DYNAP: variants seen among roughly 807,000 people sequenced by gnomAD.
The protein encoded by DYNAP is dynactin associated protein, also known as dynactin-associated protein.
A neutral mutation model predicts 8.5 loss-of-function variants in DYNAP; 7 were observed. That is an observed-to-expected ratio of 0.82 (90% CI 0.47 to 1.54). The LOEUF (loss-of-function observed/expected upper bound fraction) is 1.54. Ranked by LOEUF, DYNAP falls within the 40% of genes most tolerant of loss-of-function variation. DYNAP has a pLI of 0.01. For synonymous variants in DYNAP, 77 were observed against 77.9 expected (o/e 0.99, Z 0.06); for missense variants, 256 against 224.3 (o/e 1.14, Z -0.90).
chr18:54,593,302 T>C (rs1911155910), intron 1 of DYNAP, among the ~76,000 whole-genome samples: 1 of 152,244 alleles, frequency 6.6e-6, no homozygotes, highest in South Asian at 2.1e-4. Context: ...GGTTGGCCAG[T>C]AATTTCTATA....
At chr18:54,597,252 G>A (rs900558746) in intron 2 of DYNAP, among the ~76,000 whole-genome samples, 1 of 152,088 alleles carries the variant, frequency 6.6e-6, no homozygotes, top group African/African-American at 2.4e-5. Context: ...AGAGAGGAAA[G>A]AATAAGAGGA....
chr18:54,591,530 T>G (rs1247638480), intron 1 of DYNAP, among the ~76,000 whole-genome samples, 191 bp downstream of exon 1: 1 of 152,124 alleles, frequency 6.6e-6, no homozygotes, highest in Admixed American at 6.6e-5. Flanking sequence ...TGTTATATAT[T>G]TAGGTATTAA....
chr18:54,587,990 C>T, upstream of DYNAP: 1 of 393,464 alleles, frequency 2.5e-6, no homozygotes, highest in Non-Finnish European at 4.5e-6. Context: ...TCTCTAATTC[C>T]AACATACAAA....
In DYNAP at chr18:54,598,191, C is replaced by G; in HGVS notation, c.*46C>G. On this transcript the variant is annotated 3_prime_UTR_variant, in exon 3 of 3. Transcript: ENST00000648945. ...ACTTCAACTGAAACTTCAACCTCTA[C>G]CACTTCAACTCAGTTTGCAACTATA... is the stretch of plus-strand genomic sequence containing the variant. 6.4e-7 allele frequency: 1 copy of G among 1,554,674 alleles called. No homozygotes were observed. The highest frequency in any genetic ancestry group is 8.7e-7 in the Non-Finnish European group (1 of 1,145,748).
At chr18:54,586,057 T>A (rs1404711362), upstream of DYNAP, among the ~76,000 whole-genome samples, 1 of 152,174 alleles carries the variant, frequency 6.6e-6, no homozygotes, top group Non-Finnish European at 1.5e-5. Flanking sequence ...CTAGTTATGG[T>A]TCTGGACCTT....
chr18:54,580,189 ACAGT>A, the DYNAP span, among the ~76,000 whole-genome samples: 5 of 152,228 alleles, frequency 3.3e-5, no homozygotes, highest in Admixed American at 3.3e-4. Context: ...TTTAAAATTG[ACAGT>A]CAGAACAGAG....
upstream of DYNAP, among the ~76,000 whole-genome samples, chr18:54,585,504 C>A (rs920189666): frequency 1.3e-5 from 2 of 152,188 alleles, no homozygotes; most frequent in African/African-American, 4.8e-5. Context: ...TTGCTTCTCT[C>A]TTCTACAATT....
At position 54,597,873 on chromosome 18, in the gene DYNAP, G is replaced by A; in HGVS notation, c.283G>A (p.Ala95Thr). 6.2e-7 allele frequency: 1 copy of A among 1,613,536 alleles called. No individual in the cohort carries two copies. The highest frequency in any genetic ancestry group is 8.5e-7 in the Non-Finnish European group (1 of 1,179,680). The change falls in exon 3 of 3, where the codon GCC (alanine) becomes ACC (threonine). Residue 95 changes from alanine to threonine, a missense_variant. By Grantham distance (58) the Ala-to-Thr change is moderately conservative. Coordinates refer to ENST00000648945, the MANE Select transcript of DYNAP (RefSeq NM_173629.3). ...GAAAGTCTTCCTGGCTTGTCTCTTA[G>A]CCTGTGTGATAATGACAGCAATTGG... ...MWKVFLACLL[A>T]CVIMTAIGVL... is the part of the protein sequence containing the mutation.
At chr18:54,595,764 A>T (rs1220944029) in intron 2 of DYNAP, among the ~76,000 whole-genome samples, 1 of 152,158 alleles carries the variant, frequency 6.6e-6, no homozygotes, top group East Asian at 1.9e-4. Flanking sequence ...TTTAACATTG[A>T]CTATAAATTA....
rs1220492240 is a variant in DYNAP at position 54,595,024 on chromosome 18, C to T, written c.143C>T (p.Pro48Leu). 2.5e-6 allele frequency: 4 copies of T among 1,612,896 alleles called. No individual in the cohort carries two copies. The highest frequency in any genetic ancestry group is 3.4e-6 in the Non-Finnish European group (4 of 1,179,218). Residue 48 changes from proline (P) to leucine (L), a missense_variant, in exon 2 of 3, where the codon CCC becomes CTC. Transcript: ENST00000648945. The stretch of plus-strand genomic sequence containing the variant: ...AATGATATAACCAGTGATGTCTCTC[C>T]CAACTTAACTGGGGTCTGCGTGAAC... The part of the protein sequence containing the change: ...PSNDITSDVS[P>L]NLTGVCVNPG...
intron 1 of DYNAP, among the ~76,000 whole-genome samples, chr18:54,594,500 C>T (rs1242573659): frequency 1.3e-5 from 2 of 152,134 alleles, no homozygotes; most frequent in Admixed American, 1.3e-4. Context: ...AAGGTCTGAG[C>T]TCCTGTGCTA....
At chr18:54,584,123 G>A (rs1206269899), upstream of DYNAP, among the ~76,000 whole-genome samples, 2 of 151,716 alleles carry the variant, frequency 1.3e-5, no homozygotes, top group Non-Finnish European at 2.9e-5. Flanking sequence ...ATTTTTATGG[G>A]AGTGAATATT....
the DYNAP span, among the ~76,000 whole-genome samples, chr18:54,576,520 C>T: frequency 6.6e-6 from 1 of 151,988 alleles, no homozygotes; most frequent in Admixed American, 6.6e-5. Flanking sequence ...CAAAACTAAC[C>T]CAGCACAGTG....
the DYNAP span, among the ~76,000 whole-genome samples, chr18:54,581,781 T>C: frequency 6.6e-6 from 1 of 152,146 alleles, no homozygotes; most frequent in Admixed American, 6.5e-5. Context: ...AAGGAAAAAC[T>C]TATTTTCAAG....
chr18:54,578,797 TTTA>T, the DYNAP span, among the ~76,000 whole-genome samples: 1 of 152,142 alleles, frequency 6.6e-6, no homozygotes, highest in South Asian at 2.1e-4. Context: ...ATTTTTTATT[TTTA>T]TTATTATTAT....
upstream of DYNAP, among the ~76,000 whole-genome samples, chr18:54,586,015 T>C (rs370998013): frequency 1.3e-5 from 2 of 152,310 alleles, no homozygotes; most frequent in Middle Eastern, 3.4e-3. Flanking sequence ...CTAGGTTGAG[T>C]TGACCCCAAT....
chr18:54,575,976 T>G, the DYNAP span, among the ~76,000 whole-genome samples: 1 of 152,224 alleles, frequency 6.6e-6, no homozygotes, highest in African/African-American at 2.4e-5. Context: ...TTACTTTTGT[T>G]CATTCTTGAA....
At chr18:54,579,305 A>AT in the DYNAP span, among the ~76,000 whole-genome samples, 1 of 152,228 alleles carries the variant, frequency 6.6e-6, no homozygotes, top group African/African-American at 2.4e-5. Context: ...TTTAGAAAGT[A>AT]TTTTTTAAGT....
chr18:54,588,145 T>G (rs1910946060), upstream of DYNAP, among the ~76,000 whole-genome samples: 1 of 152,116 alleles, frequency 6.6e-6, no homozygotes, highest in African/African-American at 2.4e-5. Flanking sequence ...GCTACTAATT[T>G]GATATCCAGT....
Sources: gnomAD v4.1 joint callset for allele counts (sites outside exome capture counted in the v4.1 genomes callset) on GRCh38, gnomAD v4.1.1 for gene constraint, MANE v1.5 for transcripts, NCBI Gene and HGNC (gene_info 2026-07-23, HGNC 2026-07-21) for gene names.